Variants in SH3BP4 observed in about 807,000 individuals in gnomAD.
SH3BP4 encodes the protein SH3 domain-binding protein 4.
Under a neutral mutation model 65.5 loss-of-function variants are expected in SH3BP4, and 33 were observed. That is an observed-to-expected ratio of 0.50 (90% CI 0.38 to 0.67). The LOEUF is 0.67. Ranked by LOEUF, SH3BP4 falls within the 30% of genes least tolerant of loss-of-function variation. SH3BP4 has a pLI of 0.00. For missense variants in SH3BP4, 1,134 were observed against 1,261.4 expected, an observed-to-expected ratio of 0.90 and a Z score of 1.53; for synonymous variants, 552 against 545.5, an observed-to-expected ratio of 1.01 and a Z score of -0.17.
chr2:234,993,016 G>A (rs1693800131), intron 1 of SH3BP4, among the ~76,000 whole-genome samples: 1 of 152,248 alleles, frequency 6.6e-6, no homozygotes, highest in African/African-American at 2.4e-5. Context: ...GGCAGCACCT[G>A]GCAGGCTTTG....
rs552292135 is a variant in SH3BP4, at chr2:235,024,414, G to A, written c.-132-10457G>A. On this transcript the variant is annotated intron_variant, in intron 2 of 5. Coordinates refer to ENST00000392011, the MANE Select transcript of SH3BP4 (RefSeq NM_014521.3). ...CTTTCTGCTTGTGGCTTTTTGCAAC[G>A]ACTGTGGCATCCTCATGGCTGCTTT... Among the ~76,000 whole-genome samples, 8 of 152,234 alleles carry A rather than the reference G, an allele frequency of 5.3e-5. No homozygotes were observed. The East Asian group carries it at 9.7e-4, about 18-fold the overall frequency.
intron 2 of SH3BP4, among the ~76,000 whole-genome samples, chr2:235,023,639 TG>T (rs1694911212): frequency 6.6e-6 from 1 of 152,194 alleles, no homozygotes; most frequent in Non-Finnish European, 1.5e-5. Context: ...AAGAAAATTT[TG>T]AAGAGGAAAA....
rs1267963041 is a variant in SH3BP4, at chr2:235,053,907, G to A, written c.*91G>A. 20 of 1,056,524 alleles carry A rather than the reference G, an allele frequency of 1.9e-5. No homozygotes were observed. In the South Asian group the frequency reaches 2.3e-4, roughly 12 times the overall value. 65.4% of individuals were successfully genotyped at this position (1,056,524 alleles called of 1,614,324 possible). A position where few individuals can be genotyped will look rare whatever the true frequency, so the allele number is the denominator to read the frequency against. ...CACCGCGGAGCTGAAGAGGGAGGAA[G>A]GGGCGGCTGCTCAGACAGATTTAGG... On this transcript the variant is annotated 3_prime_UTR_variant, in exon 6 of 6. Transcript: ENST00000392011.
At chr2:234,994,966 G>A (rs1006461791) in intron 1 of SH3BP4, 1 of 152,288 alleles carries the variant, frequency 6.6e-6, no homozygotes, top group Non-Finnish European at 1.5e-5. Context: ...GTAGGGTGAG[G>A]GGCAGGCTTT....
chr2:234,960,960 A>G (rs1179362224), intron 1 of SH3BP4, among the ~76,000 whole-genome samples: 1 of 152,182 alleles, frequency 6.6e-6, no homozygotes, highest in African/African-American at 2.4e-5. Context: ...CTGCAATATG[A>G]GAAGTTCCTT....
intron 2 of SH3BP4, among the ~76,000 whole-genome samples, chr2:235,018,995 G>C (rs1694768714): frequency 6.6e-6 from 1 of 152,192 alleles, no homozygotes; most frequent in Admixed American, 6.5e-5. Context: ...TCAGCCAAGT[G>C]ACGTTCTGGA....
At chr2:235,011,418 G>A (rs949955821) in intron 2 of SH3BP4, among the ~76,000 whole-genome samples, 4 of 152,196 alleles carry the variant, frequency 2.6e-5, no homozygotes, top group South Asian at 2.1e-4. Flanking sequence ...TCCTAATTCC[G>A]TATGACCTCA....
chr2:235,020,205 G>A (rs1226256814), intron 2 of SH3BP4, among the ~76,000 whole-genome samples: 1 of 152,176 alleles, frequency 6.6e-6, no homozygotes, highest in East Asian at 1.9e-4. Context: ...ATAGAAATAA[G>A]TGACTTCTTG....
chr2:234,982,460 C>T (rs1693417816), intron 1 of SH3BP4, among the ~76,000 whole-genome samples: 1 of 152,186 alleles, frequency 6.6e-6, no homozygotes, highest in Non-Finnish European at 1.5e-5. Flanking sequence ...GGTCTCAAAG[C>T]CCAGCAGCTG....
chr2:235,046,974 C>T lies in SH3BP4; in HGVS notation c.2478+3727C>T, dbSNP rs1695882142. On this transcript the variant is annotated intron_variant, in intron 4 of 5. Transcript: ENST00000392011. The surrounding 1 kb of genome is among the most constrained non-coding windows in gnomAD (Gnocchi z 4.2). ...GCTGCACTCAGAGCACCCCTCTGTCCTGGCCACTTCTCTCCCACCAGAGCC... is the reference window on the plus strand; with the variant it reads ...GCTGCACTCAGAGCACCCCTCTGTCTTGGCCACTTCTCTCCCACCAGAGCC... Among the ~76,000 whole-genome samples the T allele has an allele frequency of 6.6e-6, 1 of 152,182 alleles. No homozygotes were observed. The highest frequency in any genetic ancestry group is 2.1e-4 in the South Asian group (1 of 4,826).
rs1693536144 is a variant in SH3BP4 at position 234,985,826 on chromosome 2, G to A, written c.-206-9477G>A. Among the ~76,000 whole-genome samples the A allele has an allele frequency of 2.6e-5, 4 of 152,186 alleles. No individual in the cohort carries two copies. The South Asian group carries it at 8.3e-4, about 32-fold the overall frequency. On this transcript the variant is annotated intron_variant, in intron 1 of 5. Coordinates refer to ENST00000392011, the MANE Select transcript of SH3BP4 (RefSeq NM_014521.3). ...TGTGACACACGCCTACGAGCTCAAGGAGCATGATGCAGGTGAACCAGCCCT... is the reference window on the plus strand; with the variant it reads ...TGTGACACACGCCTACGAGCTCAAGAAGCATGATGCAGGTGAACCAGCCCT...
chr2:235,004,137 T>C (rs1185260543), intron 2 of SH3BP4, among the ~76,000 whole-genome samples: 3 of 152,236 alleles, frequency 2.0e-5, no homozygotes, highest in Non-Finnish European at 4.4e-5. Context: ...TCTTTTTCTA[T>C]GCTTTAGTAG....
At chr2:234,982,408 G>A (rs1376224150) in intron 1 of SH3BP4, among the ~76,000 whole-genome samples, 2 of 152,204 alleles carry the variant, frequency 1.3e-5, no homozygotes, top group Non-Finnish European at 2.9e-5. Flanking sequence ...TTACCAGCCT[G>A]TCCAGTAGTG....
chr2:234,986,539 T>A (rs1693565413), intron 1 of SH3BP4, among the ~76,000 whole-genome samples: 1 of 152,232 alleles, frequency 6.6e-6, no homozygotes, highest in African/African-American at 2.4e-5. Flanking sequence ...CCACGTCCTG[T>A]CTTACTGCAG....
chr2:235,009,933 G>A (rs1219071898), intron 2 of SH3BP4, among the ~76,000 whole-genome samples: 1 of 152,108 alleles, frequency 6.6e-6, no homozygotes, highest in Non-Finnish European at 1.5e-5. Flanking sequence ...GGGAAAGTGT[G>A]TTAGTCTCTC....
At chr2:234,970,029 A>T (rs1466306507) in intron 1 of SH3BP4, among the ~76,000 whole-genome samples, 1 of 149,404 alleles carries the variant, frequency 6.7e-6, no homozygotes, top group Admixed American at 6.6e-5. Flanking sequence ...ACTGTCACAC[A>T]CTCACAAATA....
chr2:234,962,929 T>G (rs1482895329), intron 1 of SH3BP4, among the ~76,000 whole-genome samples: 1 of 152,144 alleles, frequency 6.6e-6, no homozygotes, highest in Non-Finnish European at 1.5e-5. Flanking sequence ...TTTAATATTT[T>G]AGTAGAGACA....
In SH3BP4 at chr2:235,035,189, C is replaced by G; in HGVS notation, c.118+69C>G. 3 of 1,150,378 alleles carry G rather than the reference C, an allele frequency of 2.6e-6. No homozygotes were observed. Among genetic ancestry groups the G allele is most frequent in the Non-Finnish European group, 3.9e-6 (3 of 761,514 alleles). The allele number at this position is 1,150,378 out of a possible 1,614,324, so 71.3% of individuals were successfully genotyped here. A position where few individuals can be genotyped will look rare whatever the true frequency, so the allele number is the denominator to read the frequency against. On this transcript the variant is annotated intron_variant, in intron 3 of 5. Transcript: ENST00000392011. The surrounding 1 kb of genome is among the most constrained non-coding windows in gnomAD (Gnocchi z 5.0). ...GGATTTTCAAGTTGGGATCCAAGAACTTTTCTGCTTTAAAGATTGCCAGTT... is the reference window on the plus strand; with the variant it reads ...GGATTTTCAAGTTGGGATCCAAGAAGTTTTCTGCTTTAAAGATTGCCAGTT...
intron 4 of SH3BP4, among the ~76,000 whole-genome samples, chr2:235,049,388 A>C (rs949562373): frequency 1.3e-5 from 2 of 152,226 alleles, no homozygotes; most frequent in African/African-American, 4.8e-5. Context: ...CTTTGGAGCC[A>C]GGCAGCTGTG....
Sources: gnomAD v4.1 joint callset for allele counts (sites outside exome capture counted in the v4.1 genomes callset) on GRCh38, gnomAD v4.1.1 for gene constraint, Gnocchi (gnomAD v3.1) non-coding constraint, MANE v1.5 for transcripts, NCBI Gene and HGNC (gene_info 2026-07-23, HGNC 2026-07-21) for gene names.